The following NAALADL2 variants were observed in gnomAD, a reference collection of about 807,000 sequenced individuals.
NAALADL2 encodes the protein inactive N-acetylated-alpha-linked acidic dipeptidase-like protein 2.
A neutral mutation model predicts 87.2 loss-of-function variants in NAALADL2; 76 were observed. The ratio of observed to expected loss-of-function variants is 0.87; its 90% CI spans 0.72 to 1.05. The LOEUF (loss-of-function observed/expected upper bound fraction) is 1.05. Ranked by LOEUF, NAALADL2 falls within the 50% of genes least tolerant of loss-of-function variation. NAALADL2 has a pLI of 0.00. For missense variants in NAALADL2, 1,089 were observed against 945.8 expected (o/e 1.15, Z -1.99); for synonymous variants, 354 against 331.0 (o/e 1.07, Z -0.75).
At chr3:175,558,876 C>T (rs1715796891) in intron 9 of NAALADL2, among the ~76,000 whole-genome samples, 1 of 151,920 alleles carries the variant, frequency 6.6e-6, no homozygotes, top group African/African-American at 2.4e-5. Context: ...CAGTTTTGTT[C>T]TTTTTGCTTA....
chr3:174,751,657 T>C (rs1296961278), intron 3 of NAALADL2, among the ~76,000 whole-genome samples: 4 of 99,898 alleles, frequency 4.0e-5, no homozygotes, highest in Non-Finnish European at 8.1e-5. Flanking sequence ...AGCGAGACTT[T>C]GTCTCAAAAA....
chr3:175,714,250 A>G (rs980217755), intron 11 of NAALADL2, among the ~76,000 whole-genome samples: 16 of 152,128 alleles, frequency 1.1e-4, no homozygotes, highest in African/African-American at 3.9e-4. Context: ...ATACCCAGTT[A>G]TGGGATTGCT....
chr3:174,665,716 A>T (rs1725895957), intron 2 of NAALADL2, among the ~76,000 whole-genome samples: 1 of 152,192 alleles, frequency 6.6e-6, no homozygotes, highest in Non-Finnish European at 1.5e-5. Context: ...CAAATATCAC[A>T]AATTGGCTAA....
At chr3:174,448,718 G>A (rs2108267515) in intron 1 of NAALADL2, among the ~76,000 whole-genome samples, 1 of 152,248 alleles carries the variant, frequency 6.6e-6, no homozygotes, top group African/African-American at 2.4e-5. Flanking sequence ...GGAAAGAAAT[G>A]TAACTATGTG....
chr3:174,846,977 G>C (rs1422147914), intron 3 of NAALADL2, among the ~76,000 whole-genome samples: 1 of 152,252 alleles, frequency 6.6e-6, no homozygotes, highest in Admixed American at 6.5e-5. Context: ...AAGTTTAGGC[G>C]ATAGAGTTCA....
chr3:175,717,386 T>A (rs1020151521), intron 11 of NAALADL2, among the ~76,000 whole-genome samples: 1 of 152,098 alleles, frequency 6.6e-6, no homozygotes, highest in Non-Finnish European at 1.5e-5. Flanking sequence ...TTTTGTTTTT[T>A]TAAATCAAAA....
Position 174,733,214 on chromosome 3 carries a change from G to A in NAALADL2, c.-114-4427G>A, listed in dbSNP as rs140366218. ...TTCTAGTCGCAGTATTCTGATTTTA[G>A]GTAACGCTTAAAAGGTCCACAAAGA... On this transcript the variant is annotated intron_variant, in intron 2 of 3. Transcript: ENST00000434257. 7.0e-3 allele frequency among the ~76,000 whole-genome samples: 1,067 copies of A among 152,214 alleles called. 7 individuals carry two copies. Among genetic ancestry groups the A allele is most frequent in the Non-Finnish European group, 0.012 (799 of 68,002 alleles).
At chr3:174,611,541 G>T (rs566134941) in intron 2 of NAALADL2, among the ~76,000 whole-genome samples, 1 of 152,058 alleles carries the variant, frequency 6.6e-6, no homozygotes, top group South Asian at 2.1e-4. Context: ...CTGGTTTTCT[G>T]TGCACTTACT....
intron 2 of NAALADL2, chr3:175,115,305 A>T (rs1457292330): frequency 6.6e-6 from 1 of 150,618 alleles, no homozygotes; most frequent in East Asian, 2.0e-4. Flanking sequence ...TATGCTTGTG[A>T]TTTTTTTTTC....
At chr3:175,656,330 T>A (rs1241479889) in intron 11 of NAALADL2, among the ~76,000 whole-genome samples, 1 of 152,216 alleles carries the variant, frequency 6.6e-6, no homozygotes, top group Non-Finnish European at 1.5e-5. Context: ...TAATTCTATA[T>A]AAAATTATCT....
intron 4 of NAALADL2, among the ~76,000 whole-genome samples, chr3:175,292,097 G>GCT (rs983983495): frequency 6.6e-6 from 1 of 152,124 alleles, no homozygotes; most frequent in Non-Finnish European, 1.5e-5. Flanking sequence ...TTTGAAACGT[G>GCT]CTCTCTCTCT....
intron 10 of NAALADL2, among the ~76,000 whole-genome samples, chr3:175,625,728 T>A (rs962290068): frequency 6.6e-6 from 1 of 152,024 alleles, no homozygotes; most frequent in African/African-American, 2.4e-5. Context: ...GTCTACCATT[T>A]ATTCATGGTA....
At chr3:175,118,843 TA>T (rs916992985) in intron 2 of NAALADL2, among the ~76,000 whole-genome samples, 1 of 151,742 alleles carries the variant, frequency 6.6e-6, no homozygotes, top group African/African-American at 2.4e-5. Flanking sequence ...TGGGGCTTCT[TA>T]GACTCAAAAT....
At chr3:174,499,296 A>T in intron 1 of NAALADL2, among the ~76,000 whole-genome samples, 1 of 152,084 alleles carries the variant, frequency 6.6e-6, no homozygotes. Flanking sequence ...TTGTTGAGAT[A>T]TAAGGGTTCC....
chr3:175,051,706 G>A (rs1036075065), intron 1 of NAALADL2, among the ~76,000 whole-genome samples: 7 of 152,196 alleles, frequency 4.6e-5, no homozygotes, highest in African/African-American at 1.7e-4. Flanking sequence ...TTATACAAAG[G>A]TGTGGACTTT....
intron 1 of NAALADL2, among the ~76,000 whole-genome samples, chr3:174,900,136 A>C (rs1732135124): frequency 6.6e-6 from 1 of 152,144 alleles, no homozygotes; most frequent in African/African-American, 2.4e-5. Context: ...CACCATTTAC[A>C]AAGCACCAAT....
intron 5 of NAALADL2, among the ~76,000 whole-genome samples, chr3:175,353,496 C>T (rs1309409969): frequency 6.6e-6 from 1 of 152,072 alleles, no homozygotes; most frequent in East Asian, 1.9e-4. Flanking sequence ...TGAATTGCTA[C>T]TGCATTAAAC....
chr3:174,565,486 C>T (rs576761413), intron 2 of NAALADL2, among the ~76,000 whole-genome samples: 6 of 152,072 alleles, frequency 3.9e-5, no homozygotes, highest in Admixed American at 1.3e-4. Context: ...TTCTCCATGT[C>T]GTTTTATGGT....
chr3:175,628,768 TA>T (rs1727357902), intron 11 of NAALADL2, among the ~76,000 whole-genome samples: 1 of 150,530 alleles, frequency 6.6e-6, no homozygotes, highest in Non-Finnish European at 1.5e-5. Flanking sequence ...GGAAATATGG[TA>T]AAGCGAACTG....
Sources: allele counts gnomAD v4.1 joint callset (sites outside exome capture counted in the v4.1 genomes callset), GRCh38; gene constraint gnomAD v4.1.1; transcripts MANE v1.5; gene names NCBI Gene and HGNC (gene_info 2026-07-23, HGNC 2026-07-21).